SCUBE2: variants seen among roughly 807,000 people sequenced by gnomAD.
SCUBE2 encodes the protein signal peptide, CUB domain and EGF like domain containing 2, also known as signal peptide, CUB and EGF-like domain-containing protein 2.
In SCUBE2, 114 loss-of-function variants were observed where a neutral mutation model predicts 125.9. That is an observed-to-expected ratio of 0.91 (90% CI 0.78 to 1.06). The LOEUF (loss-of-function observed/expected upper bound fraction) is 1.06. Among genes scored for constraint, SCUBE2 ranks in the 50% least tolerant of loss-of-function variants. SCUBE2 has a pLI of 0.00. For missense variants in SCUBE2, 1,255 were observed against 1,301.8 expected (o/e 0.96, Z 0.55); for synonymous variants, 459 against 492.9 (o/e 0.93, Z 0.91).
At chr11:9,027,754 T>G (rs772484259) in intron 19 of SCUBE2, among the ~76,000 whole-genome samples, 193 bp from the exon 20 acceptor site, 1 of 151,632 alleles carries the variant, frequency 6.6e-6, no homozygotes, top group Non-Finnish European at 1.5e-5. Flanking sequence ...CCACAAGGAG[T>G]CTACCCCTCT....
At chr11:9,069,264 T>A in intron 5 of SCUBE2, 106 bp downstream of exon 5, 1 of 1,476,860 alleles carries the variant, frequency 6.8e-7, no homozygotes, top group Non-Finnish European at 9.3e-7. Context: ...CTGCCTTCCC[T>A]GCTGCTGCAG....
At chr11:9,066,838 T>C (rs754331482) in intron 5 of SCUBE2, 25 bp from the exon 6 acceptor site, 1 of 1,557,620 alleles carries the variant, frequency 6.4e-7, no homozygotes, top group East Asian at 2.2e-5. Context: ...AATCAATACA[T>C]AAAGCACTGA....
At chr11:9,067,410 T>A (rs1339315031) in intron 5 of SCUBE2, among the ~76,000 whole-genome samples, 1 of 152,226 alleles carries the variant, frequency 6.6e-6, no homozygotes, top group Non-Finnish European at 1.5e-5. Flanking sequence ...TATCTATTCA[T>A]CAAACTGCTA....
intron 14 of SCUBE2, among the ~76,000 whole-genome samples, chr11:9,049,346 T>C (rs556828277): frequency 5.9e-5 from 9 of 152,278 alleles, no homozygotes; most frequent in African/African-American, 2.2e-4. Context: ...TGGGCTCAAG[T>C]GATCCGCCCG....
At chr11:9,021,991 A>G (rs749197879) in intron 21 of SCUBE2, 36 bp from the exon 22 acceptor site, 2 of 1,492,718 alleles carry the variant, frequency 1.3e-6, no homozygotes, top group Non-Finnish European at 1.9e-6. Context: ...CATTCTTATG[A>G]TTTAGTTGCT....
In SCUBE2 at chr11:9,020,927, A is replaced by G. The variant is rs1855243818; in HGVS notation, c.*118T>C. 3.4e-6 allele frequency: 3 copies of G among 883,838 alleles called. No homozygotes were observed. Among genetic ancestry groups the G allele is most frequent in the South Asian group, 2.3e-5 (1 of 43,314 alleles). 54.7% of individuals were successfully genotyped at this position (883,838 alleles called of 1,614,324 possible). A position where few individuals can be genotyped will look rare whatever the true frequency, so the allele number is the denominator to read the frequency against. ...GTATTATCTATAAAAATTGAACTCT[A>G]ATGAGTCACTGATACGGGAGGCAGC... On this transcript the variant is annotated 3_prime_UTR_variant, in exon 23 of 23. Coordinates refer to ENST00000649792, the MANE Select transcript of SCUBE2 (RefSeq NM_001367977.2).
rs191034565 is a variant in SCUBE2 at position 9,054,352 on chromosome 11, G to A, written c.1208-593C>T. On this transcript the variant is annotated intron_variant, in intron 10 of 22. Coordinates refer to ENST00000649792, the MANE Select transcript of SCUBE2 (RefSeq NM_001367977.2). ...CCATTAGCAACACTCAGAAGGATCCGCACTCTACTTTCAGATGTCCAAACT... is the reference window on the plus strand; with the variant it reads ...CCATTAGCAACACTCAGAAGGATCCACACTCTACTTTCAGATGTCCAAACT... Among the ~76,000 whole-genome samples, 411 of 152,082 alleles carry A rather than the reference G, an allele frequency of 2.7e-3. 1 individual carries two copies. Among genetic ancestry groups the A allele is most frequent in the Middle Eastern group, 0.014 (4 of 294 alleles).
At chr11:9,048,305 C>T (rs1386877586) in intron 14 of SCUBE2, among the ~76,000 whole-genome samples, 1 of 152,248 alleles carries the variant, frequency 6.6e-6, no homozygotes, top group Non-Finnish European at 1.5e-5. Flanking sequence ...TATAACTTTA[C>T]AATTTAGCTC....
intron 10 of SCUBE2, 129 bp from the exon 11 acceptor site, chr11:9,053,888 T>C: frequency 8.4e-7 from 1 of 1,186,418 alleles, no homozygotes; most frequent in Non-Finnish European, 1.2e-6. Context: ...AGACACTGAA[T>C]GCCTTTAGCA....
At chr11:9,086,975 C>G (rs956487705) in intron 2 of SCUBE2, among the ~76,000 whole-genome samples, 1 of 151,942 alleles carries the variant, frequency 6.6e-6, no homozygotes, top group African/African-American at 2.4e-5. Context: ...AGGATGTATG[C>G]TCACTGTTAA....
chr11:9,073,685 G>A (rs999276377), intron 4 of SCUBE2, among the ~76,000 whole-genome samples: 3 of 152,170 alleles, frequency 2.0e-5, no homozygotes, highest in Non-Finnish European at 2.9e-5. Context: ...ATAGGCAGAT[G>A]CAACTCCAAG....
chr11:9,072,452 C>T (rs1173164716), intron 4 of SCUBE2, among the ~76,000 whole-genome samples: 2 of 152,148 alleles, frequency 1.3e-5, no homozygotes, highest in Admixed American at 6.5e-5. Flanking sequence ...TCGTGATCTG[C>T]CTGCCTCGGC....
rs776068481 is a variant in SCUBE2 at position 9,052,721 on chromosome 11, G to A, written c.1534+25C>T. On this transcript the variant is annotated intron_variant, in intron 13 of 22. Transcript: ENST00000649792. ...CCCTTGAACACAGTGAGCCCCCAGA[G>A]AGAACACGCAGATTTGGTAATTACC... The A allele has an allele frequency of 4.0e-6, 6 of 1,501,626 alleles. No homozygotes were observed. The South Asian group carries it at 6.0e-5, about 15-fold the overall frequency. 93.0% of individuals were successfully genotyped at this position (1,501,626 alleles called of 1,614,324 possible). A position where few individuals can be genotyped will look rare whatever the true frequency, so the allele number is the denominator to read the frequency against.
intron 7 of SCUBE2, among the ~76,000 whole-genome samples, chr11:9,063,624 G>C (rs899984671): frequency 2.0e-5 from 3 of 152,160 alleles, no homozygotes; most frequent in Admixed American, 6.5e-5. Context: ...GCATTTTCAG[G>C]CATGCAAATT....
At chr11:9,088,240 C>A (rs1365160997) in intron 2 of SCUBE2, among the ~76,000 whole-genome samples, 1 of 152,254 alleles carries the variant, frequency 6.6e-6, no homozygotes, top group Non-Finnish European at 1.5e-5. Flanking sequence ...GTAATCCCAA[C>A]ACTTCGGGAG....
At chr11:9,085,200 A>G (rs1375721159) in intron 2 of SCUBE2, among the ~76,000 whole-genome samples, 1 of 152,192 alleles carries the variant, frequency 6.6e-6, no homozygotes, top group Non-Finnish European at 1.5e-5. Flanking sequence ...TGGATTCTGG[A>G]ACAAAAAAAG....
rs767371881 is a variant in SCUBE2 at position 9,046,296 on chromosome 11, T to C, written c.2002+1060A>G. On this transcript the variant is annotated intron_variant, in intron 16 of 22. Transcript: ENST00000649792. ...GTGCTGGGATTATAGGTGTGAGCCA[T>C]CATGCCTGGCCCCGAGTGTCTTTCG... Among the ~76,000 whole-genome samples, 9 of 152,050 alleles carry C rather than the reference T, an allele frequency of 5.9e-5. No individual in the cohort carries two copies. In the East Asian group the frequency reaches 7.7e-4, roughly 13 times the overall value.
At chr11:9,051,137 T>G (rs1300885566) in intron 13 of SCUBE2, among the ~76,000 whole-genome samples, 1 of 152,100 alleles carries the variant, frequency 6.6e-6, no homozygotes, top group African/African-American at 2.4e-5. Flanking sequence ...CACTCTAGCC[T>G]AGGCAACAGA....
rs778614754 is a variant in SCUBE2 at position 9,047,533 on chromosome 11, G to A, written c.1825C>T (p.Arg609Ter). ...GCTTTACGGAGCCGCTTCTCGGTTC[G>A]CTTTACGATGCAGCTCAGGTCACAA... ...ASCDLSCIVK[R>*]TEKRLRKAIR... The change falls in exon 16 of 23, where the codon CGA (arginine) becomes TGA (stop). Residue 609 changes from arginine (R) to a stop codon, truncating the protein, a stop_gained. Transcript: ENST00000649792. LOFTEE classifies it high-confidence loss of function. 18 of 1,613,764 alleles carry A rather than the reference G, an allele frequency of 1.1e-5. No homozygotes were observed. The highest frequency in any genetic ancestry group is 2.7e-5 in the African/African-American group (2 of 74,832).
Sources: gnomAD v4.1 joint callset for allele counts (sites outside exome capture counted in the v4.1 genomes callset) on GRCh38, gnomAD v4.1.1 for gene constraint, MANE v1.5 for transcripts, NCBI Gene and HGNC (gene_info 2026-07-23, HGNC 2026-07-21) for gene names.